PAX3: variants seen among roughly 807,000 people sequenced by gnomAD.
PAX3 encodes paired box 3, also known as paired box protein Pax-3.
In PAX3, 14 loss-of-function variants were observed where a neutral mutation model predicts 51.6. The ratio of observed to expected loss-of-function variants is 0.27; its 90% confidence interval spans 0.18 to 0.42. The LOEUF is 0.42. Among genes scored for constraint, PAX3 ranks in the 10% least tolerant of loss-of-function variants. The pLI, the probability that PAX3 is intolerant of heterozygous loss-of-function variation, is 1.00. For synonymous variants in PAX3, 280 were observed against 253.4 expected, an observed-to-expected ratio of 1.11 and a Z score of -1.00; for missense variants, 540 against 642.8, an observed-to-expected ratio of 0.84 and a Z score of 1.73.
chr2:222,290,472 C>T (rs578091131), intron 4 of PAX3, among the ~76,000 whole-genome samples: 3 of 152,258 alleles, frequency 2.0e-5, no homozygotes, highest in Admixed American at 6.5e-5. Flanking sequence ...TAAATTGTTG[C>T]AAACCTCCCA....
rs1228829922 is a variant in PAX3 at position 222,250,618 on chromosome 2, A to G, written c.587-18335T>C. 1.3e-5 allele frequency among the ~76,000 whole-genome samples: 2 copies of G among 152,208 alleles called. 1 individual carries two copies. The highest frequency in any genetic ancestry group is 6.3e-3 in the Middle Eastern group (2 of 316). ...GGCAATTAGAAATTTACAAGAAAAA[A>G]GAATGTTTTTGGTTAGATTGGTTGG... On this transcript the variant is annotated intron_variant, in intron 4 of 8. Transcript: ENST00000392070.
chr2:222,278,474 C>G (rs1296612750), intron 4 of PAX3, among the ~76,000 whole-genome samples: 1 of 152,250 alleles, frequency 6.6e-6, no homozygotes, highest in African/African-American at 2.4e-5. Flanking sequence ...ATGAGCCCCA[C>G]AGTTCCTTCC....
intron 4 of PAX3, among the ~76,000 whole-genome samples, chr2:222,238,843 T>C (rs138311797): frequency 6.6e-6 from 1 of 152,328 alleles, no homozygotes; most frequent in African/African-American, 2.4e-5. Context: ...ATTTCACAAG[T>C]ATATTCCAGA....
intron 4 of PAX3, among the ~76,000 whole-genome samples, chr2:222,242,154 T>C (rs1186603701): frequency 1.3e-5 from 2 of 152,204 alleles, no homozygotes; most frequent in Non-Finnish European, 2.9e-5. Flanking sequence ...GGATTTCGCT[T>C]ATGTTTTTGT....
chr2:222,257,521 C>T (rs1224094298), intron 4 of PAX3, among the ~76,000 whole-genome samples: 1 of 152,170 alleles, frequency 6.6e-6, no homozygotes, highest in Non-Finnish European at 1.5e-5. Context: ...GGGACTTTCA[C>T]TGAGATAGTG....
intron 5 of PAX3, chr2:222,221,742 T>G (rs535301941): frequency 6.4e-6 from 2 of 310,340 alleles, no homozygotes; most frequent in African/African-American, 4.3e-5. Flanking sequence ...GGAGGATACA[T>G]GAGCCTCTGT....
chr2:222,224,092 G>C (rs1401409427), intron 5 of PAX3, among the ~76,000 whole-genome samples: 1 of 152,274 alleles, frequency 6.6e-6, no homozygotes, highest in East Asian at 1.9e-4. Context: ...GAGTATAAGG[G>C]TTTGGGGGTT....
intron 7 of PAX3, among the ~76,000 whole-genome samples, chr2:222,210,734 T>A (rs894564300): frequency 2.6e-5 from 4 of 152,180 alleles, no homozygotes; most frequent in African/African-American, 9.7e-5. Flanking sequence ...AATCCTTAGA[T>A]CTTTGAAATG....
Position 222,202,105 on chromosome 2 carries a change from T to C in PAX3, c.1259A>G (p.Glu420Gly), listed in dbSNP as rs1335199183. The change falls in exon 8 of 9, where the codon GAA (glutamate) becomes GGA (glycine). Residue 420 changes from glutamate (E) to glycine (G), a missense_variant. This residue lies in a region of PAX3 where 427 missense variants were observed against 483.6 expected (regional missense o/e 0.88). Transcript: ENST00000392070. ...YALSPLTGGL[E>G]PTTTVSASCS... ...GCTGGCCGACACCGTGGTGGTAGGT[T>C]CCAGACCCCCGGTGAGAGGGGAGAG... is the stretch of plus-strand genomic sequence containing the variant. 6.2e-7 allele frequency: 1 copy of C among 1,613,724 alleles called. No homozygotes were observed. Among genetic ancestry groups the C allele is most frequent in the East Asian group, 2.2e-5 (1 of 44,782 alleles).
intron 7 of PAX3, among the ~76,000 whole-genome samples, chr2:222,202,919 A>G (rs966793489): frequency 2.7e-5 from 4 of 149,888 alleles, no homozygotes; most frequent in Admixed American, 6.7e-5. Flanking sequence ...AATGCTTGAC[A>G]CATATTAAGT....
chr2:222,294,136 C>G, intron 4 of PAX3, 31 bp downstream of exon 4: 1 of 1,613,784 alleles, frequency 6.2e-7, no homozygotes, highest in South Asian at 1.1e-5. Context: ...AGTCACCCAG[C>G]AAGTGCGCCG....
chr2:222,295,744 G>C lies in PAX3; in HGVS notation c.322-87C>G, dbSNP rs45481093. 24 of 1,452,864 alleles carry C rather than the reference G, an allele frequency of 1.7e-5. No homozygotes were observed. In the African/African-American group the frequency reaches 3.3e-4, roughly 20 times the overall value. 90.0% of individuals were successfully genotyped at this position (1,452,864 alleles called of 1,614,324 possible). A position where few individuals can be genotyped will look rare whatever the true frequency, so the allele number is the denominator to read the frequency against. ...CCACCGCCTCTGGGCCTGTCGGGAT[G>C]CTCCTCGCTGAATCCTCTGGGACGG... On this transcript the variant is annotated intron_variant, in intron 2 of 8. Transcript: ENST00000392070.
intron 4 of PAX3, among the ~76,000 whole-genome samples, chr2:222,238,682 C>A (rs1237094023): frequency 1.3e-5 from 2 of 152,178 alleles, no homozygotes; most frequent in African/African-American, 4.8e-5. Context: ...ACCCGATGGT[C>A]TTTTCGTCAG....
intron 4 of PAX3, among the ~76,000 whole-genome samples, chr2:222,236,916 G>A (rs1222464269): frequency 6.6e-6 from 1 of 152,048 alleles, no homozygotes; most frequent in African/African-American, 2.4e-5. Context: ...ATCATGCACA[G>A]CATTCTAAAT....
chr2:222,230,654 A>T (rs879532448), intron 5 of PAX3, among the ~76,000 whole-genome samples: 4 of 152,126 alleles, frequency 2.6e-5, no homozygotes, highest in Non-Finnish European at 5.9e-5. Context: ...CAGGAGTTCG[A>T]GACCAGCCTG....
chr2:222,274,510 C>T (rs1255218083), intron 4 of PAX3, among the ~76,000 whole-genome samples: 1 of 150,932 alleles, frequency 6.6e-6, no homozygotes, highest in Non-Finnish European at 1.5e-5. Context: ...AACGTAACCA[C>T]CTCTATAAAG....
intron 4 of PAX3, among the ~76,000 whole-genome samples, chr2:222,241,270 A>G (rs1381373558): frequency 2.0e-5 from 3 of 152,180 alleles, no homozygotes; most frequent in Non-Finnish European, 4.4e-5. Context: ...GCCATTATTG[A>G]CCATATGTGC....
At chr2:222,248,108 T>C (rs994533301) in intron 4 of PAX3, among the ~76,000 whole-genome samples, 11 of 152,212 alleles carry the variant, frequency 7.2e-5, no homozygotes, top group Non-Finnish European at 1.5e-4. Context: ...AAATAACATG[T>C]ATATTCAATT....
At chr2:222,298,471 G>A in intron 1 of PAX3, 60 bp downstream of exon 1, 1 of 1,398,770 alleles carries the variant, frequency 7.1e-7, no homozygotes, top group Non-Finnish European at 9.9e-7. Context: ...CCTGGGGATG[G>A]GGTGAGGCAG....
Sources: gnomAD v4.1 joint callset for allele counts (sites outside exome capture counted in the v4.1 genomes callset) on GRCh38, gnomAD v4.1.1 for gene constraint, gnomAD v4.1.1 regional missense constraint, MANE v1.5 for transcripts, NCBI Gene and HGNC (gene_info 2026-07-23, HGNC 2026-07-21) for gene names.